Variants in PLCB4 observed in about 807,000 individuals in gnomAD.
The protein encoded by PLCB4 is phospholipase C beta 4.
Under a neutral mutation model 178.8 loss-of-function variants are expected in PLCB4, and 77 were observed. That is an observed-to-expected ratio of 0.43 (90% CI 0.36 to 0.52). The LOEUF (loss-of-function observed/expected upper bound fraction) is 0.52, where lower values mean the gene tolerates loss of function less well. Among genes scored for constraint, PLCB4 ranks in the 20% least tolerant of loss-of-function variants. PLCB4 has a pLI of 0.00. For synonymous variants in PLCB4, 496 were observed against 490.8 expected (o/e 1.01, Z -0.14); for missense variants, 1,024 against 1,453.4 (o/e 0.70, Z 4.80).
chr20:9,321,794 C>T (rs557700141), intron 4 of PLCB4, among the ~76,000 whole-genome samples: 1 of 151,820 alleles, frequency 6.6e-6, no homozygotes, highest in African/African-American at 2.4e-5. Flanking sequence ...CCACCATGCC[C>T]AGCTAATTTT....
At chr20:9,227,782 A>G (rs2093885397) in intron 3 of PLCB4, among the ~76,000 whole-genome samples, 1 of 151,946 alleles carries the variant, frequency 6.6e-6, no homozygotes, top group African/African-American at 2.4e-5. Context: ...GTTCTTTCCC[A>G]TTATTATTTT....
At chr20:9,467,593 G>A (rs985859582) in intron 35 of PLCB4, among the ~76,000 whole-genome samples, 1 of 152,144 alleles carries the variant, frequency 6.6e-6, no homozygotes, top group African/African-American at 2.4e-5. Flanking sequence ...TGTCAGCAAC[G>A]TTTGGTCATT....
Position 9,307,792 on chromosome 20 carries a change from A to C in PLCB4, c.-15-8A>C. The stretch of plus-strand genomic sequence containing the variant: ...ATATACTAACGAGCTATTCTTTTTC[A>C]TTTTTAGGTCTTGAATATAATCATG... On this transcript the variant is annotated splice_polypyrimidine_tract_variant and splice_region_variant and intron_variant, in intron 3 of 39. Coordinates refer to ENST00000378473, the MANE Select transcript of PLCB4 (RefSeq NM_001377142.1). The C allele has an allele frequency of 7.1e-7, 1 of 1,415,634 alleles. No homozygotes were observed. Among genetic ancestry groups the C allele is most frequent in the Non-Finnish European group, 9.8e-7 (1 of 1,016,632 alleles). The allele number at this position is 1,415,634 out of a possible 1,614,324, so 87.7% of individuals were successfully genotyped here. A position where few individuals can be genotyped will look rare whatever the true frequency, so the allele number is the denominator to read the frequency against.
At chr20:9,179,002 A>G (rs1600930327) in intron 2 of PLCB4, among the ~76,000 whole-genome samples, 2 of 152,220 alleles carry the variant, frequency 1.3e-5, no homozygotes, top group East Asian at 1.9e-4. Context: ...TCTAGAAATT[A>G]TATCTTTAAC....
chr20:9,336,976 A>C (rs2032554240), intron 4 of PLCB4, 150 bp from the exon 5 acceptor site: 1 of 595,294 alleles, frequency 1.7e-6, no homozygotes, highest in East Asian at 2.8e-5. Context: ...AGAGTTTTCA[A>C]AATGAAAACA....
intron 2 of PLCB4, among the ~76,000 whole-genome samples, chr20:9,183,997 C>T (rs188600641): frequency 1.3e-5 from 2 of 152,212 alleles, no homozygotes; most frequent in Admixed American, 1.3e-4. Flanking sequence ...GAGCTACTTT[C>T]CCTGCACTAT....
chr20:9,197,128 A>G (rs923795124), intron 2 of PLCB4, among the ~76,000 whole-genome samples: 1 of 152,226 alleles, frequency 6.6e-6, no homozygotes, highest in Admixed American at 6.5e-5. Flanking sequence ...TCTTGTAATA[A>G]CCAGAACTTA....
intron 3 of PLCB4, among the ~76,000 whole-genome samples, chr20:9,267,731 A>G (rs1336174598): frequency 6.6e-6 from 1 of 152,128 alleles, no homozygotes; most frequent in Non-Finnish European, 1.5e-5. Flanking sequence ...TCCCCTCCTG[A>G]ATTTAAGTTG....
At chr20:9,251,376 C>T (rs2094178501) in intron 3 of PLCB4, among the ~76,000 whole-genome samples, 2 of 152,130 alleles carry the variant, frequency 1.3e-5, no homozygotes, top group African/African-American at 4.8e-5. Context: ...ACAAAATCTC[C>T]AGGTAATTCA....
At chr20:9,245,321 G>T (rs190496637) in intron 3 of PLCB4, among the ~76,000 whole-genome samples, 48 of 152,254 alleles carry the variant, frequency 3.2e-4, no homozygotes, top group Admixed American at 2.6e-4. Context: ...AGTATCACAA[G>T]ACAAAGGTGT....
At chr20:9,135,609 A>G (rs2092366300) in intron 2 of PLCB4, among the ~76,000 whole-genome samples, 1 of 152,096 alleles carries the variant, frequency 6.6e-6, no homozygotes, top group African/African-American at 2.4e-5. Context: ...TAATGGGTTA[A>G]GAGGGTTTCC....
intron 3 of PLCB4, among the ~76,000 whole-genome samples, chr20:9,250,550 C>T (rs1044487640): frequency 6.6e-6 from 1 of 152,226 alleles, no homozygotes; most frequent in African/African-American, 2.4e-5. Context: ...TTGTTTGTTA[C>T]ACATCCAGGA....
intron 2 of PLCB4, among the ~76,000 whole-genome samples, chr20:9,144,614 G>A (rs1365004467): frequency 6.8e-6 from 1 of 146,556 alleles, no homozygotes; most frequent in African/African-American, 2.5e-5. Flanking sequence ...GCAACAAAAT[G>A]AGACCTAATC....
chr20:9,184,679 AC>A (rs905573340), intron 2 of PLCB4, among the ~76,000 whole-genome samples: 1 of 150,238 alleles, frequency 6.7e-6, no homozygotes, highest in African/African-American at 2.4e-5. Flanking sequence ...TTTGACTCTT[AC>A]GGAAATAAAA....
At chr20:9,478,123 G>A (rs368494991) in intron 39 of PLCB4, among the ~76,000 whole-genome samples, 7 of 152,106 alleles carry the variant, frequency 4.6e-5, no homozygotes, top group East Asian at 1.9e-4. Context: ...AATAAAAGTC[G>A]AAATGTACTA....
intron 36 of PLCB4, among the ~76,000 whole-genome samples, chr20:9,472,173 C>T (rs144733584): frequency 6.6e-6 from 1 of 152,302 alleles, no homozygotes; most frequent in Non-Finnish European, 1.5e-5. Context: ...GACTATGTTA[C>T]TCTATGGGTA....
At position 9,199,262 on chromosome 20, in the gene PLCB4, A is replaced by G. The variant is rs138134202; in HGVS notation, c.-78-18128A>G. Among the ~76,000 whole-genome samples, 463 of 152,270 alleles carry G rather than the reference A, an allele frequency of 3.0e-3. 4 individuals are homozygous for G. The highest frequency in any genetic ancestry group is 0.011 in the African/African-American group (447 of 41,566). ...CCTAGAATCATAACTAGGGAAGTACATTGGGTTTGCCTTGGGAAAGAAGGA... is the reference window on the plus strand; with the variant it reads ...CCTAGAATCATAACTAGGGAAGTACGTTGGGTTTGCCTTGGGAAAGAAGGA... On this transcript the variant is annotated intron_variant, in intron 2 of 39. Coordinates refer to ENST00000378473, the MANE Select transcript of PLCB4 (RefSeq NM_001377142.1).
intron 7 of PLCB4, among the ~76,000 whole-genome samples, chr20:9,361,655 T>G (rs1478868298): frequency 6.6e-6 from 1 of 152,204 alleles, no homozygotes; most frequent in Non-Finnish European, 1.5e-5. Flanking sequence ...ATGTCCATTT[T>G]TAACACAATT....
chr20:9,165,667 A>G (rs1346360158), intron 2 of PLCB4, among the ~76,000 whole-genome samples: 1 of 152,162 alleles, frequency 6.6e-6, no homozygotes, highest in African/African-American at 2.4e-5. Flanking sequence ...ATTAGTGTGG[A>G]TTGGCCATCC....
Sources: allele counts gnomAD v4.1 joint callset (sites outside exome capture counted in the v4.1 genomes callset), GRCh38; gene constraint gnomAD v4.1.1; transcripts MANE v1.5; gene names NCBI Gene and HGNC (gene_info 2026-07-23, HGNC 2026-07-21).